ABHD12B: variants seen among roughly 807,000 people sequenced by gnomAD.
ABHD12B encodes the protein protein ABHD12B.
Under a neutral mutation model 50.4 loss-of-function variants are expected in ABHD12B, and 42 were observed. That is an observed-to-expected ratio of 0.83 (90% confidence interval 0.65 to 1.08). The LOEUF (loss-of-function observed/expected upper bound fraction) is 1.08. Among genes scored for constraint, ABHD12B ranks in the 50% least tolerant of loss-of-function variants. ABHD12B has a pLI of 0.00. For synonymous variants in ABHD12B, 167 were observed against 160.3 expected (o/e 1.04, Z -0.32); for missense variants, 479 against 447.7 (o/e 1.07, Z -0.63).
intron 3 of ABHD12B, among the ~76,000 whole-genome samples, chr14:50,879,204 C>T (rs2049904669): frequency 6.6e-6 from 1 of 152,166 alleles, no homozygotes; most frequent in Admixed American, 6.5e-5. Flanking sequence ...TCTTGCCTTG[C>T]TAACTGTCTA....
chr14:50,881,716 T>C, intron 5 of ABHD12B, 90 bp downstream of exon 5: 1 of 1,503,904 alleles, frequency 6.6e-7, no homozygotes. Flanking sequence ...TGGTTGTTTT[T>C]TGAGAGGTCT....
chr14:50,876,774 T>C (rs1595998529), intron 1 of ABHD12B, among the ~76,000 whole-genome samples: 1 of 152,240 alleles, frequency 6.6e-6, no homozygotes, highest in African/African-American at 2.4e-5. Flanking sequence ...AAAATGCCTC[T>C]GGTCTAGCAT....
At chr14:50,880,024 T>C (rs1277208310) in intron 3 of ABHD12B, among the ~76,000 whole-genome samples, 1 of 152,260 alleles carries the variant, frequency 6.6e-6, no homozygotes, top group African/African-American at 2.4e-5. Flanking sequence ...GTTTAGTGTT[T>C]TAGTTCTTTT....
At chr14:50,898,017 GCTT>G (rs1031273360) in intron 9 of ABHD12B, among the ~76,000 whole-genome samples, 2 of 152,218 alleles carry the variant, frequency 1.3e-5, no homozygotes. Context: ...TTGGACCTAA[GCTT>G]CTTTCTTGAA....
intron 7 of ABHD12B, among the ~76,000 whole-genome samples, chr14:50,886,122 A>G (rs2050033455): frequency 6.6e-6 from 1 of 152,160 alleles, no homozygotes; most frequent in South Asian, 2.1e-4. Context: ...TTGAAGTCCA[A>G]GTCTTTCTGA....
At position 50,883,672 on chromosome 14, in the gene ABHD12B, G is replaced by A. The variant is rs558899402; in HGVS notation, c.487-1942G>A. 3.9e-5 allele frequency among the ~76,000 whole-genome samples: 6 copies of A among 152,368 alleles called. No individual in the cohort carries two copies. In the South Asian group the frequency reaches 1.2e-3, roughly 32 times the overall value. On this transcript the variant is annotated intron_variant, in intron 5 of 12. Transcript: ENST00000337334. Reference sequence around the variant, plus strand: ...ATGCTGCCAGGTGATCCTTGTGGTAGTTAGGACGGGTGGGGAAGGAGAGTG... The same window carrying A: ...ATGCTGCCAGGTGATCCTTGTGGTAATTAGGACGGGTGGGGAAGGAGAGTG...
chr14:50,892,017 C>A (rs1477444966), intron 9 of ABHD12B: 1 of 152,182 alleles, frequency 6.6e-6, no homozygotes, highest in Non-Finnish European at 1.5e-5. Context: ...TAACGCTTTG[C>A]ATTTCGGTAT....
chr14:50,887,603 C>T (rs4901063), intron 8 of ABHD12B, among the ~76,000 whole-genome samples: 150,597 of 152,224 alleles, frequency 0.99, 74,513 homozygotes, highest in Middle Eastern at 1. Flanking sequence ...CTACACATGG[C>T]TTATGGAAAA....
At chr14:50,903,949 C>G in intron 11 of ABHD12B, 125 bp from the exon 12 acceptor site, 2 of 753,174 alleles carry the variant, frequency 2.7e-6, no homozygotes, top group South Asian at 1.8e-5. Flanking sequence ...GGAGAGTTTT[C>G]TGTCTCTGAC....
rs571638999 is a variant in ABHD12B, at chr14:50,895,464, C to T, written c.781-6365C>T. ...TTGCTACACGTGCCGGAAATCTGGCCACTGGGCCAAGGAATGCCCGCAGCC... is the reference window on the plus strand; with the variant it reads ...TTGCTACACGTGCCGGAAATCTGGCTACTGGGCCAAGGAATGCCCGCAGCC... On this transcript the variant is annotated intron_variant, in intron 9 of 12. Transcript: ENST00000337334. The T allele has an allele frequency of 6.6e-5, 10 of 152,274 alleles. No homozygotes were observed. In the South Asian group the frequency reaches 8.3e-4, roughly 13 times the overall value. 9.4% of individuals were successfully genotyped at this position (152,274 alleles called of 1,614,324 possible).
chr14:50,884,525 G>T, intron 5 of ABHD12B, among the ~76,000 whole-genome samples: 1 of 152,204 alleles, frequency 6.6e-6, no homozygotes, highest in African/African-American at 2.4e-5. Flanking sequence ...GTTCTAGCCA[G>T]TTGGGTGATG....
At chr14:50,891,226 A>G (rs963637124) in intron 9 of ABHD12B, 4 of 140,350 alleles carry the variant, frequency 2.9e-5, no homozygotes, top group African/African-American at 1.1e-4. Context: ...TTTCTTAATG[A>G]TATGTCATGA....
At chr14:50,882,932 C>T (rs903487662) in intron 5 of ABHD12B, among the ~76,000 whole-genome samples, 1 of 149,458 alleles carries the variant, frequency 6.7e-6, no homozygotes, top group Non-Finnish European at 1.5e-5. Flanking sequence ...GATTGTGCCA[C>T]CACACTGCAG....
At chr14:50,891,920 T>C (rs1401075527) in intron 9 of ABHD12B, 1 of 152,244 alleles carries the variant, frequency 6.6e-6, no homozygotes, top group Non-Finnish European at 1.5e-5. Flanking sequence ...GGTCTTTTAA[T>C]TACTATAGCT....
At chr14:50,884,919 A>T (rs960111199) in intron 5 of ABHD12B, among the ~76,000 whole-genome samples, 1 of 152,204 alleles carries the variant, frequency 6.6e-6, no homozygotes, top group Non-Finnish European at 1.5e-5. Context: ...TGTTTTCATT[A>T]TTCATATTTA....
chr14:50,889,345 A>G (rs1193028830), intron 9 of ABHD12B, among the ~76,000 whole-genome samples: 1 of 152,232 alleles, frequency 6.6e-6, no homozygotes, highest in Non-Finnish European at 1.5e-5. Flanking sequence ...CTTTCTAAGA[A>G]AATAAGTACA....
intron 5 of ABHD12B, among the ~76,000 whole-genome samples, chr14:50,883,485 T>A (rs1452697786): frequency 6.6e-6 from 1 of 152,168 alleles, no homozygotes; most frequent in Non-Finnish European, 1.5e-5. Flanking sequence ...AGGAGTACCA[T>A]GTTTATTCAT....
intron 5 of ABHD12B, among the ~76,000 whole-genome samples, chr14:50,884,002 A>G (rs942266752): frequency 2.9e-5 from 4 of 139,006 alleles, no homozygotes; most frequent in African/African-American, 8.1e-5. Context: ...ACTTCCCACT[A>G]TTTTATAGAC....
chr14:50,874,995 A>G (rs1264370622), intron 1 of ABHD12B, among the ~76,000 whole-genome samples: 1 of 152,238 alleles, frequency 6.6e-6, no homozygotes, highest in Admixed American at 6.5e-5. Flanking sequence ...TCTATTTTCA[A>G]CCTATGCGTC....
Sources: gnomAD v4.1 joint callset for allele counts (sites outside exome capture counted in the v4.1 genomes callset) on GRCh38, gnomAD v4.1.1 for gene constraint, MANE v1.5 for transcripts, NCBI Gene and HGNC (gene_info 2026-07-23, HGNC 2026-07-21) for gene names.